OPCML: variants seen among roughly 807,000 people sequenced by gnomAD.
The protein encoded by OPCML is opioid-binding protein/cell adhesion molecule.
Under a neutral mutation model 37.8 loss-of-function variants are expected in OPCML, and 13 were observed. The observed-to-expected ratio is 0.34, with a 90% CI of 0.22 to 0.55. OPCML has a LOEUF of 0.55. Ranked by LOEUF, OPCML falls within the 20% of genes least tolerant of loss-of-function variation. The probability of loss-of-function intolerance (pLI) is 0.91; values close to 1 mark genes in which losing one functional copy is unlikely to be tolerated. For missense variants in OPCML, 341 were observed against 435.6 expected, an observed-to-expected ratio of 0.78 and a Z score of 1.93; for synonymous variants, 176 against 168.8, an observed-to-expected ratio of 1.04 and a Z score of -0.33.
chr11:132,484,203 A>G (rs985278269), intron 4 of OPCML, among the ~76,000 whole-genome samples: 2 of 152,188 alleles, frequency 1.3e-5, no homozygotes, highest in African/African-American at 4.8e-5. Flanking sequence ...TCTACAATGA[A>G]CTCCAACAAA....
intron 2 of OPCML, 22 bp downstream of exon 2, chr11:132,942,904 C>G: frequency 6.4e-7 from 1 of 1,572,712 alleles, no homozygotes; most frequent in Non-Finnish European, 8.7e-7. Flanking sequence ...GGCTCGGCCC[C>G]CGCGGAAGGA....
chr11:132,432,613 A>G (rs2096000997), intron 7 of OPCML, among the ~76,000 whole-genome samples: 1 of 152,172 alleles, frequency 6.6e-6, no homozygotes, highest in Non-Finnish European at 1.5e-5. Flanking sequence ...GCTGTGACCA[A>G]TACGTCCTTT....
intron 4 of OPCML, among the ~76,000 whole-genome samples, chr11:132,441,363 T>A (rs2096034407): frequency 6.6e-6 from 1 of 150,632 alleles, no homozygotes; most frequent in Admixed American, 6.6e-5. Flanking sequence ...AGAGACGGGG[T>A]TTCACCGTTT....
At chr11:132,935,792 G>A (rs762223394) in intron 2 of OPCML, among the ~76,000 whole-genome samples, 15 of 152,148 alleles carry the variant, frequency 9.9e-5, no homozygotes, top group Non-Finnish European at 1.6e-4. Context: ...GTATTTTAGG[G>A]TTTAAACAAA....
At chr11:132,541,954 A>G (rs2096357648) in intron 3 of OPCML, among the ~76,000 whole-genome samples, 1 of 152,232 alleles carries the variant, frequency 6.6e-6, no homozygotes. Context: ...AGGTCATACC[A>G]AAAGCACCTG....
chr11:132,893,673 G>T (rs1303721263), intron 2 of OPCML, among the ~76,000 whole-genome samples: 1 of 152,212 alleles, frequency 6.6e-6, no homozygotes, highest in East Asian at 1.9e-4. Flanking sequence ...TAGCAATATC[G>T]CAAAATCTGT....
intron 2 of OPCML, among the ~76,000 whole-genome samples, chr11:132,753,619 T>C (rs1283440694): frequency 6.6e-6 from 1 of 152,278 alleles, no homozygotes; most frequent in Admixed American, 6.5e-5. Flanking sequence ...GACTTACATA[T>C]ACATATCTGC....
At chr11:132,887,845 T>G (rs1189381936) in intron 2 of OPCML, among the ~76,000 whole-genome samples, 1 of 152,214 alleles carries the variant, frequency 6.6e-6, no homozygotes, top group East Asian at 1.9e-4. Flanking sequence ...TCTATCTTAC[T>G]CTGCCTAAGC....
chr11:132,762,444 G>A (rs1053923432), intron 2 of OPCML, among the ~76,000 whole-genome samples: 1 of 152,200 alleles, frequency 6.6e-6, no homozygotes, highest in Non-Finnish European at 1.5e-5. Context: ...CTGTCCCAGG[G>A]AGATGGGAGT....
At chr11:133,234,405 C>T (rs1940424387) in intron 1 of OPCML, among the ~76,000 whole-genome samples, 1 of 152,194 alleles carries the variant, frequency 6.6e-6, no homozygotes, top group Non-Finnish European at 1.5e-5. Context: ...ACAAACTTGG[C>T]CTTTTTAAAC....
chr11:133,083,535 C>T (rs1158462287), intron 1 of OPCML, among the ~76,000 whole-genome samples: 1 of 152,260 alleles, frequency 6.6e-6, no homozygotes, highest in Non-Finnish European at 1.5e-5. Context: ...CCAGGAATTG[C>T]ACCTGGATTG....
chr11:132,940,554 G>A (rs61909270), intron 2 of OPCML, among the ~76,000 whole-genome samples: 12,071 of 152,208 alleles, frequency 0.079, 1,022 homozygotes, highest in African/African-American at 0.22. Context: ...ATATTTATCT[G>A]GGGTTGAAGC....
At chr11:133,218,740 G>C (rs1189832772) in intron 1 of OPCML, among the ~76,000 whole-genome samples, 1 of 152,102 alleles carries the variant, frequency 6.6e-6, no homozygotes, top group Non-Finnish European at 1.5e-5. Context: ...ATTTTACTCT[G>C]GAGCTGCTAA....
At chr11:132,961,192 T>A (rs1289589020) in intron 1 of OPCML, among the ~76,000 whole-genome samples, 1 of 152,200 alleles carries the variant, frequency 6.6e-6, no homozygotes, top group East Asian at 1.9e-4. Context: ...GACACAGACA[T>A]GTGAGCAGCA....
At chr11:132,881,620 A>AAAAAAT (rs142060369) in intron 2 of OPCML, among the ~76,000 whole-genome samples, 54,539 of 151,128 alleles carry the variant, frequency 0.36, 9,956 homozygotes, top group East Asian at 0.45. Flanking sequence ...AAATTTAAAA[A>AAAAAAT]AATAATAATA....
rs11826714 is a variant in OPCML at position 132,924,015 on chromosome 11, G to A, written c.146+18911C>T. ...TGACCTCAGGTGATCCGCCCGCCTC[G>A]GCCTCCCAAAGTGCTGAGATTACAG... On this transcript the variant is annotated intron_variant, in intron 2 of 7. Transcript: ENST00000524381. Among the ~76,000 whole-genome samples, 1,336 of 151,602 alleles carry A rather than the reference G, an allele frequency of 8.8e-3. 17 individuals are homozygous for A. Among genetic ancestry groups the A allele is most frequent in the African/African-American group, 0.031 (1,288 of 41,292 alleles).
At chr11:132,637,444 A>C (rs954762854) in intron 3 of OPCML, among the ~76,000 whole-genome samples, 3 of 152,116 alleles carry the variant, frequency 2.0e-5, no homozygotes, top group African/African-American at 4.8e-5. Flanking sequence ...CAGTGGCCAC[A>C]GTTACTACTC....
chr11:132,623,146 G>A (rs1225951594), intron 3 of OPCML, among the ~76,000 whole-genome samples: 1 of 152,152 alleles, frequency 6.6e-6, no homozygotes, highest in Non-Finnish European at 1.5e-5. Flanking sequence ...GATGTCTTGG[G>A]TTAATGTTTG....
At chr11:132,683,210 G>A (rs1419449712) in intron 2 of OPCML, among the ~76,000 whole-genome samples, 4 of 152,146 alleles carry the variant, frequency 2.6e-5, no homozygotes, top group Non-Finnish European at 4.4e-5. Context: ...ACCAGCCTGA[G>A]CAACACAGAG....
Sources: gnomAD v4.1 joint callset for allele counts (sites outside exome capture counted in the v4.1 genomes callset) on GRCh38, gnomAD v4.1.1 for gene constraint, MANE v1.5 for transcripts, NCBI Gene and HGNC (gene_info 2026-07-23, HGNC 2026-07-21) for gene names.